The following SLC27A6 variants were observed in gnomAD, a reference collection of about 807,000 sequenced individuals.
SLC27A6 encodes the protein long-chain fatty acid transport protein 6.
SLC27A6 carries 74 observed loss-of-function variants against 63.9 expected under a neutral mutation model. That is an observed-to-expected ratio of 1.16 (90% CI 0.96 to 1.40). SLC27A6 has a LOEUF of 1.40. Ranked by LOEUF, SLC27A6 falls within the 40% of genes most tolerant of loss-of-function variation. The pLI, the probability that SLC27A6 is intolerant of heterozygous loss-of-function variation, is 0.00. For missense variants in SLC27A6, 794 were observed against 732.9 expected (o/e 1.08, Z -0.96); for synonymous variants, 287 against 260.8 (o/e 1.10, Z -0.97).
At position 129,012,201 on chromosome 5, in the gene SLC27A6, A is replaced by AT. The variant is rs964293595; in HGVS notation, c.970-3675dup. 6.7e-5 allele frequency among the ~76,000 whole-genome samples: 10 copies of AT among 150,000 alleles called. No homozygotes were observed. The South Asian group carries it at 1.5e-3, about 22-fold the overall frequency. On this transcript the variant is annotated intron_variant, in intron 4 of 9. Transcript: ENST00000262462. ...AAATACTTTTTAAATTTTCATTGTA[A>AT]TTTTTTTTTCTTTTACCCATGGGTT...
intron 6 of SLC27A6, among the ~76,000 whole-genome samples, chr5:129,026,909 T>C (rs1752262891): frequency 6.6e-6 from 1 of 152,146 alleles, no homozygotes; most frequent in South Asian, 2.1e-4. Flanking sequence ...TTCAATTCCC[T>C]TTTTATTAGT....
intron 1 of SLC27A6, among the ~76,000 whole-genome samples, chr5:128,971,017 C>G (rs1750134888): frequency 1.3e-5 from 2 of 152,034 alleles, no homozygotes; most frequent in Admixed American, 1.3e-4. Context: ...CGTTATTTAC[C>G]CAGTAGTCAT....
Position 129,023,648 on chromosome 5 carries a change from A to T in SLC27A6, c.1193A>T (p.Tyr398Phe). ...CTTTCCACTTTTGACTTAATAAAGT[A>T]TGACTTTCAGAAAGATGAACCCATG... Reference protein sequence around the residue: ...KLLSTFDLIKYDFQKDEPMRN... With the variant: ...KLLSTFDLIKFDFQKDEPMRN... The change falls in exon 6 of 10, where the codon TAT becomes TTT. Residue 398 changes from tyrosine (Y) to phenylalanine (F), a missense_variant. Coordinates refer to ENST00000262462, the MANE Select transcript of SLC27A6 (RefSeq NM_001017372.3). 1 of 1,608,256 alleles carries T rather than the reference A, an allele frequency of 6.2e-7. No homozygotes were observed. The highest frequency in any genetic ancestry group is 8.5e-7 in the Non-Finnish European group (1 of 1,177,842).
chr5:128,974,146 A>T (rs1160331124), intron 1 of SLC27A6, among the ~76,000 whole-genome samples: 1 of 152,242 alleles, frequency 6.6e-6, no homozygotes, highest in African/African-American at 2.4e-5. Flanking sequence ...TTCTCAAGAT[A>T]GAGCATTCAG....
intron 5 of SLC27A6, among the ~76,000 whole-genome samples, chr5:129,016,395 C>CAAAAAAAAAAAAAAAAAAAAA: frequency 1.5e-5 from 1 of 64,722 alleles, no homozygotes; most frequent in Non-Finnish European, 3.1e-5. Flanking sequence ...GACTCTGTCT[C>CAAAAAAAAAAAAAAAAAAAAA]AAAAAAAAAA....
Position 129,009,671 on chromosome 5 carries a change from T to TTGTG in SLC27A6, c.970-6191_970-6188dup, listed in dbSNP as rs71000903. 4.8e-3 allele frequency among the ~76,000 whole-genome samples: 723 copies of TTGTG among 149,174 alleles called. 3 individuals carry two copies. The highest frequency in any genetic ancestry group is 0.016 in the African/African-American group (662 of 40,608). ...ACTCCCCATCATAGCTAACATTTCT[T>TTGTG]TGTGTGTGTGTGTGTGTGTGTGTGT... On this transcript the variant is annotated intron_variant, in intron 4 of 9. Coordinates refer to ENST00000262462, the MANE Select transcript of SLC27A6 (RefSeq NM_001017372.3).
intron 1 of SLC27A6, among the ~76,000 whole-genome samples, chr5:128,970,706 C>T (rs1750116836): frequency 1.3e-5 from 2 of 151,900 alleles, no homozygotes; most frequent in Non-Finnish European, 2.9e-5. Context: ...TTTCAGAAAA[C>T]CAGCTCCTGG....
In SLC27A6 at chr5:128,965,847, G is replaced by A. The variant is rs1199213200; in HGVS notation, c.-291G>A. ...TGGGGTTGTAGATTCCAAGACCCCT[G>A]AGGGTGGCTGTGTTGGTTTCTCGCA... On this transcript the variant is annotated 5_prime_UTR_variant, in exon 1 of 10. Transcript: ENST00000262462. 8 of 310,268 alleles carry A rather than the reference G, an allele frequency of 2.6e-5. No homozygotes were observed. The highest frequency in any genetic ancestry group is 4.2e-5 in the Non-Finnish European group (7 of 167,536). 19.2% of individuals were successfully genotyped at this position (310,268 alleles called of 1,614,324 possible). A position where few individuals can be genotyped will look rare whatever the true frequency, so the allele number is the denominator to read the frequency against.
intron 1 of SLC27A6, among the ~76,000 whole-genome samples, chr5:128,971,897 G>C (rs556815662): frequency 2.0e-5 from 3 of 152,138 alleles, no homozygotes; most frequent in Non-Finnish European, 2.9e-5. Flanking sequence ...GCAGTGGCTG[G>C]TACTGGTTGT....
intron 4 of SLC27A6, among the ~76,000 whole-genome samples, chr5:129,012,314 G>A (rs1751753643): frequency 6.6e-6 from 1 of 151,378 alleles, no homozygotes; most frequent in Non-Finnish European, 1.5e-5. Context: ...TTTTATTGTG[G>A]TCAGAGAACA....
chr5:129,012,458 T>C (rs1751757461), intron 4 of SLC27A6, among the ~76,000 whole-genome samples: 2 of 152,168 alleles, frequency 1.3e-5, no homozygotes, highest in African/African-American at 4.8e-5. Context: ...CTTGTTACAC[T>C]GTTCTGTATA....
rs567400175 is a variant in SLC27A6 at position 129,027,042 on chromosome 5, T to G, written c.1256-91T>G. 1.0e-4 allele frequency: 105 copies of G among 1,048,602 alleles called. No homozygotes were observed. The South Asian group carries it at 1.4e-3, about 14-fold the overall frequency. The allele number at this position is 1,048,602 out of a possible 1,614,324, so 65.0% of individuals were successfully genotyped here. A position where few individuals can be genotyped will look rare whatever the true frequency, so the allele number is the denominator to read the frequency against. On this transcript the variant is annotated intron_variant, in intron 6 of 9. Coordinates refer to ENST00000262462, the MANE Select transcript of SLC27A6 (RefSeq NM_001017372.3). ...GGAAGCTGAGATAAGCAGCATTGGT[T>G]GTGCTGGCCAGATATAATATAGATA...
At chr5:129,006,080 T>TTTTTTTTTTTTTTTTTG (rs1751518417) in intron 4 of SLC27A6, among the ~76,000 whole-genome samples, 1 of 57,506 alleles carries the variant, frequency 1.7e-5, no homozygotes, top group African/African-American at 5.3e-5. Flanking sequence ...TGTTTTTTTT[T>TTTTTTTTTTTTTTTTTG]TTTTTTTTTT....
At chr5:128,993,894 G>A (rs1442377601) in intron 4 of SLC27A6, among the ~76,000 whole-genome samples, 1 of 152,076 alleles carries the variant, frequency 6.6e-6, no homozygotes, top group Non-Finnish European at 1.5e-5. Flanking sequence ...GATCACTTGA[G>A]GTCAGGAGTT....
intron 4 of SLC27A6, among the ~76,000 whole-genome samples, chr5:129,006,071 G>T (rs1441736681): frequency 1.4e-3 from 84 of 60,128 alleles, no homozygotes; most frequent in South Asian, 4.0e-3. Flanking sequence ...TGTGCACACT[G>T]TTTTTTTTTT....
At chr5:128,968,302 G>T (rs1749990587) in intron 1 of SLC27A6, among the ~76,000 whole-genome samples, 1 of 152,144 alleles carries the variant, frequency 6.6e-6, no homozygotes, top group Non-Finnish European at 1.5e-5. Context: ...GGGTCAAATG[G>T]TATTTCTAGT....
At chr5:128,981,417 G>A (rs1360697509) in intron 1 of SLC27A6, among the ~76,000 whole-genome samples, 1 of 151,620 alleles carries the variant, frequency 6.6e-6, no homozygotes, top group Non-Finnish European at 1.5e-5. Flanking sequence ...GGTGGCGGAG[G>A]TTGTAGTGAG....
At chr5:128,982,341 C>A (rs188490084) in intron 1 of SLC27A6, among the ~76,000 whole-genome samples, 107 of 152,270 alleles carry the variant, frequency 7.0e-4, no homozygotes, top group African/African-American at 2.3e-3. Flanking sequence ...GACATTGTAT[C>A]TCCTCTGATT....
Position 128,966,454 on chromosome 5 carries a change from A to T in SLC27A6, c.317A>T (p.Asp106Val). Reference protein sequence around the residue: ...FLNHSSLKKGDTVALLMSNEP... With the variant: ...FLNHSSLKKGVTVALLMSNEP... Reference sequence around the variant, plus strand: ...AACCATTCCTCTCTGAAAAAGGGGGACACGGTGGCTCTGCTGATGAGCAAT... The same window carrying T: ...AACCATTCCTCTCTGAAAAAGGGGGTCACGGTGGCTCTGCTGATGAGCAAT... Residue 106 changes from aspartate to valine, a missense_variant, in exon 1 of 10, where the codon GAC (aspartate) becomes GTC (valine). Transcript: ENST00000262462. 6.2e-7 allele frequency: 1 copy of T among 1,607,338 alleles called. No homozygotes were observed. The highest frequency in any genetic ancestry group is 8.5e-7 in the Non-Finnish European group (1 of 1,177,032).
Sources: gnomAD v4.1 joint callset for allele counts (sites outside exome capture counted in the v4.1 genomes callset) on GRCh38, gnomAD v4.1.1 for gene constraint, MANE v1.5 for transcripts, NCBI Gene and HGNC (gene_info 2026-07-23, HGNC 2026-07-21) for gene names.